The following SHD variants were observed in gnomAD, a reference collection of about 807,000 sequenced individuals.
The protein encoded by SHD is SH2 domain-containing adapter protein D.
In SHD, 29 loss-of-function variants were observed where a neutral mutation model predicts 31.2. The ratio of observed to expected loss-of-function variants is 0.93; its 90% CI spans 0.69 to 1.27. The LOEUF (loss-of-function observed/expected upper bound fraction) is 1.27. Ranked by LOEUF, SHD falls within the 50% of genes most tolerant of loss-of-function variation. SHD has a pLI of 0.00. For synonymous variants in SHD, 208 were observed against 187.8 expected, an observed-to-expected ratio of 1.11 and a Z score of -0.88; for missense variants, 520 against 453.8, an observed-to-expected ratio of 1.15 and a Z score of -1.33.
chr19:4,284,564 T>A (rs1971288892), intron 3 of SHD: 3 of 414,790 alleles, frequency 7.2e-6, no homozygotes, highest in Non-Finnish European at 1.2e-5. Flanking sequence ...TTGTGCTCCT[T>A]GCCACCAGAT....
chr19:4,285,999 C>G (rs557923593), intron 4 of SHD, among the ~76,000 whole-genome samples: 1 of 140,786 alleles, frequency 7.1e-6, no homozygotes, highest in Non-Finnish European at 1.5e-5. Context: ...TCAAGCAATT[C>G]TCTTGCCTCA....
chr19:4,284,900 C>G lies in SHD; in HGVS notation c.712C>G (p.Gln238Glu), dbSNP rs1290862099. 6.3e-7 allele frequency: 1 copy of G among 1,595,636 alleles called. No individual in the cohort carries two copies. Among genetic ancestry groups the G allele is most frequent in the African/African-American group, 1.3e-5 (1 of 74,666 alleles). The change falls in exon 4 of 6, where the codon CAG (glutamine) becomes GAG (glutamate). Residue 238 changes from glutamine to glutamate, a missense_variant. Transcript: ENST00000543264. ...RVDPALPLEK[Q>E]PWFHGPLNRA... ...GGACCCAGCCCTGCCCCTGGAGAAA[C>G]AGCCGTGAGTGGGGAAGCTGAAGGT...
Position 4,288,335 on chromosome 19 carries a change from A to C in SHD, c.809A>C (p.Asn270Thr). The C allele has an allele frequency of 1.2e-6, 2 of 1,612,796 alleles. No homozygotes were observed. The highest frequency in any genetic ancestry group is 1.7e-6 in the Non-Finnish European group (2 of 1,179,472). ...GSYLVRLSET[N>T]PQDCSLSLRS... ...TACCTAGTGCGGCTCAGTGAGACCAACCCCCAGGACTGCTCCTTGTCTCTC... is the reference window on the plus strand; with the variant it reads ...TACCTAGTGCGGCTCAGTGAGACCACCCCCCAGGACTGCTCCTTGTCTCTC... The change falls in exon 5 of 6, where the codon AAC becomes ACC. Residue 270 changes from asparagine (N) to threonine (T), a missense_variant. Physicochemically the swap from Asn to Thr is moderately conservative, Grantham distance 65 (BLOSUM62 0). Transcript: ENST00000543264.
At chr19:4,282,212 G>T (rs973838971) in intron 1 of SHD, among the ~76,000 whole-genome samples, 6 of 152,074 alleles carry the variant, frequency 3.9e-5, no homozygotes, top group African/African-American at 1.4e-4. Context: ...CTGAGGTCAG[G>T]AGTTGAAGAC....
chr19:4,289,194 T>A (rs377010098), intron 5 of SHD, among the ~76,000 whole-genome samples: 20 of 140,830 alleles, frequency 1.4e-4, no homozygotes, highest in African/African-American at 5.3e-4. Flanking sequence ...CACTGCAAGC[T>A]CTGCCTCCCG....
At position 4,289,793 on chromosome 19, in the gene SHD, C is replaced by A. The variant is rs186958509; in HGVS notation, c.837-654C>A. 1.1e-3 allele frequency among the ~76,000 whole-genome samples: 160 copies of A among 147,964 alleles called. 1 individual carries two copies. In the East Asian group the frequency reaches 0.021, roughly 19 times the overall value. ...TCACCGTGTTAGCCAGGATGGTCTCCATCTCCTGACCTCGTGATCCGCCTG... is the reference window on the plus strand; with the variant it reads ...TCACCGTGTTAGCCAGGATGGTCTCAATCTCCTGACCTCGTGATCCGCCTG... On this transcript the variant is annotated intron_variant, in intron 5 of 5. Coordinates refer to ENST00000543264, the MANE Select transcript of SHD (RefSeq NM_020209.4).
Position 4,290,574 on chromosome 19 carries a change from C to G in SHD, c.964C>G (p.Pro322Ala), listed in dbSNP as rs558235639. 1.2e-6 allele frequency: 2 copies of G among 1,613,666 alleles called. No homozygotes were observed. Among genetic ancestry groups the G allele is most frequent in the African/African-American group, 2.7e-5 (2 of 75,048 alleles). ...LVLHYSSRPLPVQGAEHLALL... is the reference protein window; with the variant it reads ...LVLHYSSRPLAVQGAEHLALL... Reference sequence around the variant, plus strand: ...CCTCCACTACAGTTCACGCCCACTGCCGGTGCAGGGTGCCGAGCATCTGGC... The same window carrying G: ...CCTCCACTACAGTTCACGCCCACTGGCGGTGCAGGGTGCCGAGCATCTGGC... Residue 322 changes from proline to alanine, a missense_variant, in exon 6 of 6, where the codon CCG becomes GCG. Transcript: ENST00000543264.
At chr19:4,283,376 G>C in intron 3 of SHD, 134 bp downstream of exon 3, 1 of 902,424 alleles carries the variant, frequency 1.1e-6, no homozygotes, top group Non-Finnish European at 1.6e-6. Context: ...ATTCTCACTA[G>C]AGTGTGAATG....
At position 4,282,851 on chromosome 19, in the gene SHD, C is replaced by A. The variant is rs1555727357; in HGVS notation, c.298-19C>A. ...AGCCCCTCTGAGTCCTTGTCTTCTC[C>A]CCTTCCTTCTCTCCGCAGCTGGAAG... On this transcript the variant is annotated intron_variant, in intron 1 of 5. Transcript: ENST00000543264. The A allele has an allele frequency of 6.2e-7, 1 of 1,612,194 alleles. No homozygotes were observed.
In SHD at chr19:4,288,106, T is replaced by C. The variant is rs550868041; in HGVS notation, c.717-137T>C. 6.7e-4 allele frequency: 682 copies of C among 1,011,482 alleles called. 3 individuals are homozygous for C. The highest frequency in any genetic ancestry group is 3.4e-3 in the African/African-American group (201 of 58,976). 62.7% of individuals were successfully genotyped at this position (1,011,482 alleles called of 1,614,324 possible). A position where few individuals can be genotyped will look rare whatever the true frequency, so the allele number is the denominator to read the frequency against. Reference sequence around the variant, plus strand: ...TTTTAGTAGAAACGGGGTTTCACCATGTTAGGGAGACTGGTTTCGAACTCC... The same window carrying C: ...TTTTAGTAGAAACGGGGTTTCACCACGTTAGGGAGACTGGTTTCGAACTCC... On this transcript the variant is annotated intron_variant, in intron 4 of 5. Transcript: ENST00000543264.
In SHD at chr19:4,288,282, C is replaced by A. The variant is rs1396273527; in HGVS notation, c.756C>A (p.Ser252Arg). The change falls in exon 5 of 6, where the codon AGC becomes AGA. Residue 252 changes from serine (S) to arginine (R), a missense_variant. Coordinates refer to ENST00000543264, the MANE Select transcript of SHD (RefSeq NM_020209.4). ...HGPLNRADAE[S>R]LLSLCKEGSY... ...CCCTGAACAGGGCGGATGCAGAGAGCCTCCTGTCCCTCTGCAAGGAAGGCA... is the reference window on the plus strand; with the variant it reads ...CCCTGAACAGGGCGGATGCAGAGAGACTCCTGTCCCTCTGCAAGGAAGGCA... The A allele has an allele frequency of 1.9e-6, 3 of 1,613,726 alleles. No homozygotes were observed. The African/African-American group carries it at 4.0e-5, about 22-fold the overall frequency.
At chr19:4,283,948 A>G (rs779849111) in intron 3 of SHD, among the ~76,000 whole-genome samples, 12 of 152,050 alleles carry the variant, frequency 7.9e-5, no homozygotes, top group Non-Finnish European at 1.8e-4. Flanking sequence ...ATGAGCTTGG[A>G]GAAGCCTCTG....
rs771713951 is a variant in SHD at position 4,283,088 on chromosome 19, C to T, written c.438C>T (p.Thr146=). The change falls in exon 3 of 6, where the codon ACC becomes ACT. Residue 146 remains threonine, a synonymous_variant. Transcript: ENST00000543264. ...LPGRGVQLYD[T]PYEEQDPETA... ...GCAGAGGGGTGCAGCTCTATGACAC[C>T]CCTTATGAGGAACAGGACCCAGAGA... The T allele has an allele frequency of 2.0e-5, 33 of 1,613,922 alleles. No homozygotes were observed. In the East Asian group the frequency reaches 6.0e-4, roughly 29 times the overall value.
intron 1 of SHD, among the ~76,000 whole-genome samples, chr19:4,281,185 C>T (rs1971253158): frequency 6.6e-6 from 1 of 151,892 alleles, no homozygotes; most frequent in African/African-American, 2.4e-5. Context: ...TAGCTCATGC[C>T]TGTAATTCCA....
In SHD at chr19:4,284,899, A is replaced by T. The variant is rs1456549251; in HGVS notation, c.711A>T (p.Lys237Asn). The change falls in exon 4 of 6, where the codon AAA becomes AAT. Residue 237 changes from lysine (K) to asparagine (N), a missense_variant. Physicochemically the swap from Lys to Asn is moderately conservative, Grantham distance 94. Coordinates refer to ENST00000543264, the MANE Select transcript of SHD (RefSeq NM_020209.4). ...TGGACCCAGCCCTGCCCCTGGAGAAACAGCCGTGAGTGGGGAAGCTGAAGG... is the reference window on the plus strand; with the variant it reads ...TGGACCCAGCCCTGCCCCTGGAGAATCAGCCGTGAGTGGGGAAGCTGAAGG... ...ERVDPALPLE[K>N]QPWFHGPLNR... is the part of the protein sequence containing the mutation. 1 of 1,596,208 alleles carries T rather than the reference A, an allele frequency of 6.3e-7. No homozygotes were observed. Among genetic ancestry groups the T allele is most frequent in the African/African-American group, 1.3e-5 (1 of 74,692 alleles).
chr19:4,290,452 G>C lies in SHD; in HGVS notation c.842G>C (p.Ser281Thr), dbSNP rs1971365539. 2 of 1,610,856 alleles carry C rather than the reference G, an allele frequency of 1.2e-6. No individual in the cohort carries two copies. The highest frequency in any genetic ancestry group is 1.7e-6 in the Non-Finnish European group (2 of 1,178,440). The change falls in exon 6 of 6, where the codon AGC becomes ACC. Residue 281 changes from serine (S) to threonine (T), a missense_variant. Physicochemically the swap from Ser to Thr is moderately conservative, Grantham distance 58 (BLOSUM62 1). Transcript: ENST00000543264. Reference sequence around the variant, plus strand: ...CTTTCTCCCTCATCGCCCAGGAGCAGCCAGGGCTTCCTGCATCTGAAGTTC... The same window carrying C: ...CTTTCTCCCTCATCGCCCAGGAGCACCCAGGGCTTCCTGCATCTGAAGTTC... The part of the protein sequence containing the change: ...PQDCSLSLRS[S>T]QGFLHLKFAR...
Position 4,280,363 on chromosome 19 carries a change from G to GC in SHD, c.297+4dup. The GC allele has an allele frequency of 6.4e-7, 1 of 1,557,866 alleles. No homozygotes were observed. The highest frequency in any genetic ancestry group is 8.7e-7 in the Non-Finnish European group (1 of 1,150,534). On this transcript the variant is annotated splice_donor_region_variant and intron_variant, in intron 1 of 5. Coordinates refer to ENST00000543264, the MANE Select transcript of SHD (RefSeq NM_020209.4). Reference sequence around the variant, plus strand: ...TTCTGGGCGGCCCCGGGGAGGAGGTGCGTGGCTGGGTGGCCTGGGGAGACT... The same window carrying GC: ...TTCTGGGCGGCCCCGGGGAGGAGGTGCCGTGGCTGGGTGGCCTGGGGAGACT...
At position 4,288,299 on chromosome 19, in the gene SHD, A is replaced by T. The variant is rs1343043290; in HGVS notation, c.773A>T (p.Lys258Met). ...ADAESLLSLC[K>M]EGSYLVRLSE... ...GCAGAGAGCCTCCTGTCCCTCTGCA[A>T]GGAAGGCAGCTACCTAGTGCGGCTC... is the stretch of plus-strand genomic sequence containing the variant. The change falls in exon 5 of 6, where the codon AAG becomes ATG. Residue 258 changes from lysine to methionine, a missense_variant. Physicochemically the swap from Lys to Met is moderately conservative, Grantham distance 95. Coordinates refer to ENST00000543264, the MANE Select transcript of SHD (RefSeq NM_020209.4). The T allele has an allele frequency of 6.2e-7, 1 of 1,613,788 alleles. No homozygotes were observed. Among genetic ancestry groups the T allele is most frequent in the East Asian group, 2.2e-5 (1 of 44,884 alleles).
At position 4,286,335 on chromosome 19, in the gene SHD, C is replaced by CCTTT. The variant is rs1202829831; in HGVS notation, c.716+1438_716+1441dup. On this transcript the variant is annotated intron_variant, in intron 4 of 5. Coordinates refer to ENST00000543264, the MANE Select transcript of SHD (RefSeq NM_020209.4). ...TCCTTCCTACCTTCCTTCCTTCCTT[C>CCTTT]CTTTCTTTCTCTCTTTCTTTCTTTC... Among the ~76,000 whole-genome samples, 125 of 128,592 alleles carry CCTTT rather than the reference C, an allele frequency of 9.7e-4. 1 individual carries two copies. The highest frequency in any genetic ancestry group is 3.6e-3 in the African/African-American group (105 of 29,508). The allele number at this position is 128,592 out of a possible 152,430, so 84.4% of individuals were successfully genotyped here. A position where few individuals can be genotyped will look rare whatever the true frequency, so the allele number is the denominator to read the frequency against.
Sources: gnomAD v4.1 joint callset for allele counts (sites outside exome capture counted in the v4.1 genomes callset) on GRCh38, gnomAD v4.1.1 for gene constraint, MANE v1.5 for transcripts, NCBI Gene and HGNC (gene_info 2026-07-23, HGNC 2026-07-21) for gene names.